Variants in DGKI observed in about 807,000 individuals in gnomAD.
The protein encoded by DGKI is DAG kinase iota.
In DGKI, 55 loss-of-function variants were observed where a neutral mutation model predicts 147.5. The ratio of observed to expected loss-of-function variants is 0.37; its 90% CI spans 0.30 to 0.47. The LOEUF is 0.47. DGKI is among the 20% of genes least tolerant of loss of function. DGKI has a pLI of 1.00. For missense variants in DGKI, 1,007 were observed against 1,323.8 expected, an observed-to-expected ratio of 0.76 and a Z score of 3.71; for synonymous variants, 469 against 477.1, an observed-to-expected ratio of 0.98 and a Z score of 0.22.
At chr7:137,638,876 C>G (rs953411022) in intron 6 of DGKI, among the ~76,000 whole-genome samples, 2 of 151,694 alleles carry the variant, frequency 1.3e-5, no homozygotes, top group African/African-American at 4.8e-5. Context: ...TAATTTCTCT[C>G]TTAAAAAATA....
At chr7:137,725,615 G>A (rs1794695467) in intron 1 of DGKI, among the ~76,000 whole-genome samples, 1 of 144,728 alleles carries the variant, frequency 6.9e-6, no homozygotes, top group South Asian at 2.3e-4. Context: ...AAAAAAAAAA[G>A]GTTGTGATAT....
chr7:137,457,677 C>T (rs894860347), intron 27 of DGKI, among the ~76,000 whole-genome samples: 2 of 152,036 alleles, frequency 1.3e-5, no homozygotes, highest in Non-Finnish European at 2.9e-5. Context: ...AATAATTTCT[C>T]GGTTGTCCAA....
rs115357325 is a variant in DGKI at position 137,519,254 on chromosome 7, G to T, written c.2248+2612C>A. ...AATAAGCAAAGCAATTTAAAGGGCTGCCATCCATTATTGTCAGGGAGCCCT... is the reference window on the plus strand; with the variant it reads ...AATAAGCAAAGCAATTTAAAGGGCTTCCATCCATTATTGTCAGGGAGCCCT... On this transcript the variant is annotated intron_variant, in intron 21 of 32. Transcript: ENST00000614521. 7.4e-3 allele frequency among the ~76,000 whole-genome samples: 1,120 copies of T among 152,178 alleles called. 8 individuals are homozygous for T. The highest frequency in any genetic ancestry group is 0.026 in the African/African-American group (1,066 of 41,554).
intron 20 of DGKI, 32 bp downstream of exon 20, chr7:137,552,337 T>C: frequency 6.2e-7 from 1 of 1,610,628 alleles, no homozygotes; most frequent in Non-Finnish European, 8.5e-7. Flanking sequence ...AAGGTCTTCA[T>C]GTTAAGCAAG....
intron 1 of DGKI, among the ~76,000 whole-genome samples, chr7:137,834,979 T>C (rs1029432209): frequency 6.6e-6 from 1 of 152,222 alleles, no homozygotes; most frequent in Non-Finnish European, 1.5e-5. Flanking sequence ...ACTCAGATCC[T>C]TCTGATAAAC....
chr7:137,442,087 T>C (rs1813532215), intron 28 of DGKI, among the ~76,000 whole-genome samples: 1 of 152,208 alleles, frequency 6.6e-6, no homozygotes, highest in Admixed American at 6.5e-5. Flanking sequence ...AAATCATCAC[T>C]ATAATTTTGC....
At position 137,577,302 on chromosome 7, in the gene DGKI, AAAG is replaced by A. The variant is rs751986937; in HGVS notation, c.1699-21_1699-19del. ...AAAGCTGCCTATACCACAGGGAAATAAAGAAGAAGAAATTCGTAATTACATGGT... is the reference window on the plus strand; with the variant it reads ...AAAGCTGCCTATACCACAGGGAAATAAAGAAGAAATTCGTAATTACATGGT... On this transcript the variant is annotated intron_variant, in intron 16 of 32. Coordinates refer to ENST00000614521, the MANE Select transcript of DGKI (RefSeq NM_001321708.2). 105 of 1,555,822 alleles carry A rather than the reference AAAG, an allele frequency of 6.7e-5. 1 individual carries two copies. Among genetic ancestry groups the A allele is most frequent in the African/African-American group, 1.1e-4 (8 of 73,444 alleles).
At chr7:137,455,327 G>A (rs994915333) in intron 27 of DGKI, among the ~76,000 whole-genome samples, 3 of 151,876 alleles carry the variant, frequency 2.0e-5, no homozygotes, top group African/African-American at 4.8e-5. Context: ...GAGGAGCTCT[G>A]TGAAAAAAAA....
At chr7:137,412,830 T>G (rs1297347591) in intron 28 of DGKI, among the ~76,000 whole-genome samples, 1 of 152,090 alleles carries the variant, frequency 6.6e-6, no homozygotes. Context: ...AACAACCACG[T>G]GTTTGGCATT....
At chr7:137,563,308 T>A (rs1818479043) in intron 19 of DGKI, among the ~76,000 whole-genome samples, 1 of 152,008 alleles carries the variant, frequency 6.6e-6, no homozygotes, top group Non-Finnish European at 1.5e-5. Flanking sequence ...GCATATTTTA[T>A]GAAAAATATG....
At chr7:137,759,586 C>T (rs1184381848) in intron 1 of DGKI, among the ~76,000 whole-genome samples, 8 of 152,130 alleles carry the variant, frequency 5.3e-5, no homozygotes, top group Non-Finnish European at 1.2e-4. Flanking sequence ...AGGTGATCTG[C>T]CCGCCTCAGC....
At chr7:137,788,821 G>C (rs1402375709) in intron 1 of DGKI, among the ~76,000 whole-genome samples, 1 of 152,092 alleles carries the variant, frequency 6.6e-6, no homozygotes, top group African/African-American at 2.4e-5. Flanking sequence ...CCCTGTGTAA[G>C]CATTTATCAA....
rs776980333 is a variant in DGKI, at chr7:137,846,461, C to T, written c.401+1G>A. Reference sequence around the variant, plus strand: ...CTCGGCTGCCGGCTCCCCGCACCTACCTGTACGAGACCTGCTTCCGGAAAG... The same window carrying T: ...CTCGGCTGCCGGCTCCCCGCACCTATCTGTACGAGACCTGCTTCCGGAAAG... On this transcript the variant is annotated splice_donor_variant, in intron 1 of 32. Coordinates refer to ENST00000614521, the MANE Select transcript of DGKI (RefSeq NM_001321708.2). LOFTEE classifies it high-confidence loss of function. This position sits in a 1 kb window ranked among gnomAD's most constrained non-coding sequence, Gnocchi z 4.0. 1 of 1,588,840 alleles carries T rather than the reference C, an allele frequency of 6.3e-7. No homozygotes were observed. The highest frequency in any genetic ancestry group is 8.6e-7 in the Non-Finnish European group (1 of 1,167,850).
intron 2 of DGKI, among the ~76,000 whole-genome samples, chr7:137,680,336 C>G (rs1396102451): frequency 6.6e-6 from 1 of 152,158 alleles, no homozygotes; most frequent in Admixed American, 6.5e-5. Flanking sequence ...GTTATAGCAG[C>G]CTGAGCAGAT....
At chr7:137,536,752 G>C (rs977656923) in intron 20 of DGKI, among the ~76,000 whole-genome samples, 1 of 152,156 alleles carries the variant, frequency 6.6e-6, no homozygotes, top group African/African-American at 2.4e-5. Flanking sequence ...CATAAGGAAA[G>C]AGGGGTTGCA....
At position 137,381,972 on chromosome 7, in the gene DGKI, T is replaced by G. The variant is rs550506315; in HGVS notation, c.*9248A>C. On this transcript the variant is annotated 3_prime_UTR_variant, in exon 33 of 33. Transcript: ENST00000614521. ...GTAATTAGAGTCTCAATCCAACCAATGATGGGTGGGGAGAGTGGCGAATAA... is the reference window on the plus strand; with the variant it reads ...GTAATTAGAGTCTCAATCCAACCAAGGATGGGTGGGGAGAGTGGCGAATAA... The G allele has an allele frequency of 1.1e-4, 17 of 152,120 alleles. 1 individual carries two copies. The highest frequency in any genetic ancestry group is 4.1e-4 in the African/African-American group (17 of 41,520). 9.4% of individuals were successfully genotyped at this position (152,120 alleles called of 1,614,324 possible).
chr7:137,610,251 A>G (rs1159583750), intron 8 of DGKI, among the ~76,000 whole-genome samples: 1 of 152,124 alleles, frequency 6.6e-6, no homozygotes, highest in Non-Finnish European at 1.5e-5. Context: ...TCTCTGTCTA[A>G]AGACCTAATG....
intron 6 of DGKI, among the ~76,000 whole-genome samples, chr7:137,639,478 C>A (rs933094792): frequency 1.3e-5 from 2 of 152,158 alleles, no homozygotes; most frequent in African/African-American, 4.8e-5. Context: ...TGTCCCCCAT[C>A]ATGATCAGGG....
At chr7:137,756,420 C>T (rs919670408) in intron 1 of DGKI, among the ~76,000 whole-genome samples, 2 of 151,990 alleles carry the variant, frequency 1.3e-5, no homozygotes, top group African/African-American at 2.4e-5. Context: ...ATTCGGGAAC[C>T]GTCAGAAAGG....
Sources: gnomAD v4.1 joint callset for allele counts (sites outside exome capture counted in the v4.1 genomes callset) on GRCh38, gnomAD v4.1.1 for gene constraint, Gnocchi (gnomAD v3.1) non-coding constraint, MANE v1.5 for transcripts, NCBI Gene and HGNC (gene_info 2026-07-23, HGNC 2026-07-21) for gene names.